PLCL1: variants seen among roughly 807,000 people sequenced by gnomAD.
The protein encoded by PLCL1 is phospholipase C like 1 (inactive).
A neutral mutation model predicts 84.4 loss-of-function variants in PLCL1; 41 were observed. That is an observed-to-expected ratio of 0.49 (90% CI 0.38 to 0.63). PLCL1 has a LOEUF of 0.63. PLCL1 is among the 30% of genes least tolerant of loss of function. The pLI is 0.00. For synonymous variants in PLCL1, 490 were observed against 488.3 expected (o/e 1.00, Z -0.05); for missense variants, 1,206 against 1,367.8 (o/e 0.88, Z 1.87).
At chr2:197,885,549 C>T (rs1687906007) in intron 1 of PLCL1, among the ~76,000 whole-genome samples, 1 of 152,168 alleles carries the variant, frequency 6.6e-6, no homozygotes, top group South Asian at 2.1e-4. Flanking sequence ...CATCCGGAAA[C>T]CCTCACAAAC....
In PLCL1 at chr2:198,054,972, A is replaced by G. The variant is rs190994768; in HGVS notation, c.241-28786A>G. Among the ~76,000 whole-genome samples, 677 of 152,290 alleles carry G rather than the reference A, an allele frequency of 4.4e-3. 5 individuals carry two copies. The highest frequency in any genetic ancestry group is 0.016 in the African/African-American group (648 of 41,570). ...ATGACCTCAGATGAAAAACAAATAT[A>G]AAAACATTTTGGCAAATCAGAAGGT... On this transcript the variant is annotated intron_variant, in intron 1 of 5. Transcript: ENST00000428675.
At chr2:198,101,257 C>A (rs1693325971) in intron 3 of PLCL1, 28 bp from the exon 4 acceptor site, 9 of 1,407,344 alleles carry the variant, frequency 6.4e-6, no homozygotes, top group Non-Finnish European at 8.0e-6. Context: ...TTCTGACAAC[C>A]ACCTTTTTGA....
At chr2:198,091,406 G>C (rs1233571174) in intron 3 of PLCL1, among the ~76,000 whole-genome samples, 1 of 152,038 alleles carries the variant, frequency 6.6e-6, no homozygotes, top group African/African-American at 2.4e-5. Flanking sequence ...ATAGATCAAG[G>C]GGCTGGATTA....
At chr2:198,019,970 G>T (rs546913430) in intron 1 of PLCL1, among the ~76,000 whole-genome samples, 18 of 152,312 alleles carry the variant, frequency 1.2e-4, no homozygotes, top group Non-Finnish European at 2.4e-4. Context: ...AGGGAAAAAT[G>T]TTAAGGGCAG....
At chr2:198,038,061 G>A (rs1691585093) in intron 1 of PLCL1, among the ~76,000 whole-genome samples, 1 of 152,054 alleles carries the variant, frequency 6.6e-6, no homozygotes, top group African/African-American at 2.4e-5. Flanking sequence ...AACATGTGAG[G>A]TATATGTATG....
chr2:198,058,413 C>T (rs181485698), intron 1 of PLCL1, among the ~76,000 whole-genome samples: 98 of 151,678 alleles, frequency 6.5e-4, no homozygotes, highest in Admixed American at 2.3e-3. Flanking sequence ...GTATGAGTTT[C>T]GATACATCAA....
chr2:198,141,620 G>C (rs952910247), intron 5 of PLCL1, among the ~76,000 whole-genome samples: 5 of 152,136 alleles, frequency 3.3e-5, no homozygotes, highest in African/African-American at 9.7e-5. Flanking sequence ...AGTCCCAACG[G>C]ATGGTTTTTG....
chr2:198,049,484 T>C (rs572872374), intron 1 of PLCL1, among the ~76,000 whole-genome samples: 10 of 152,210 alleles, frequency 6.6e-5, no homozygotes, highest in African/African-American at 2.4e-4. Context: ...CTCTTACATA[T>C]CCCAATGGAC....
chr2:197,981,587 C>T (rs893402505), intron 1 of PLCL1, among the ~76,000 whole-genome samples: 1 of 152,146 alleles, frequency 6.6e-6, no homozygotes, highest in African/African-American at 2.4e-5. Context: ...AGTAGTTGGA[C>T]TTTTGATTTT....
chr2:197,899,317 A>T (rs527629665), intron 1 of PLCL1, among the ~76,000 whole-genome samples: 1 of 152,164 alleles, frequency 6.6e-6, no homozygotes. Flanking sequence ...GAAATGAATT[A>T]CTATCACACA....
In PLCL1 at chr2:197,805,335, T is replaced by C; in HGVS notation, c.236T>C (p.Ile79Thr). ...GCGACCCCCCGGCGCAGCAGCATCA[T>C]CAAGGTAAGCAAAGCCGCGCCGCAC... ...ARATPRRSSI[I>T]KDPSNQKCGG... The change falls in exon 1 of 6, where the codon ATC (isoleucine) becomes ACC (threonine). Residue 79 changes from isoleucine (I) to threonine (T), a missense_variant. Physicochemically the swap from Ile to Thr is moderately conservative, Grantham distance 89. Coordinates refer to ENST00000428675, the MANE Select transcript of PLCL1 (RefSeq NM_006226.4). The surrounding 1 kb of genome is among the most constrained non-coding windows in gnomAD (Gnocchi z 4.0). The C allele has an allele frequency of 7.5e-7, 1 of 1,329,950 alleles. No individual in the cohort carries two copies. The highest frequency in any genetic ancestry group is 9.6e-7 in the Non-Finnish European group (1 of 1,046,156). The allele number at this position is 1,329,950 out of a possible 1,614,324, so 82.4% of individuals were successfully genotyped here.
intron 1 of PLCL1, among the ~76,000 whole-genome samples, chr2:197,942,996 T>C (rs1689190882): frequency 6.6e-6 from 1 of 151,988 alleles, no homozygotes; most frequent in Non-Finnish European, 1.5e-5. Flanking sequence ...TGCTTGAGCC[T>C]GGGAGTTTGA....
chr2:197,830,365 C>A (rs886223494), intron 1 of PLCL1, among the ~76,000 whole-genome samples: 1 of 151,470 alleles, frequency 6.6e-6, no homozygotes, highest in Non-Finnish European at 1.5e-5. Context: ...ACGAGAACTT[C>A]GTGAAACATA....
At chr2:198,042,887 G>A (rs191323962) in intron 1 of PLCL1, among the ~76,000 whole-genome samples, 180 of 152,292 alleles carry the variant, frequency 1.2e-3, no homozygotes, top group Non-Finnish European at 2.1e-3. Flanking sequence ...ATAATACGGG[G>A]TTGGTACAGG....
chr2:197,827,879 T>G (rs764001789), intron 1 of PLCL1, among the ~76,000 whole-genome samples: 1 of 152,166 alleles, frequency 6.6e-6, no homozygotes, highest in Non-Finnish European at 1.5e-5. Context: ...GGAATGTAAC[T>G]GTTTTCTGTT....
chr2:198,073,031 G>T (rs1185150327), intron 1 of PLCL1, among the ~76,000 whole-genome samples: 1 of 151,990 alleles, frequency 6.6e-6, no homozygotes, highest in Non-Finnish European at 1.5e-5. Flanking sequence ...AAAAATTATA[G>T]ACATAGAAAT....
intron 1 of PLCL1, among the ~76,000 whole-genome samples, chr2:197,922,600 C>T (rs1367969163): frequency 5.0e-5 from 7 of 139,074 alleles, no homozygotes; most frequent in African/African-American, 7.8e-5. Flanking sequence ...CGGGCAGAGG[C>T]GCCCCTCACC....
chr2:197,823,044 T>TA (rs1690850052), intron 1 of PLCL1, among the ~76,000 whole-genome samples: 1 of 152,074 alleles, frequency 6.6e-6, no homozygotes, highest in Non-Finnish European at 1.5e-5. Context: ...AAATCATAGG[T>TA]AAAAAATCAG....
intron 1 of PLCL1, among the ~76,000 whole-genome samples, chr2:197,976,437 C>T (rs1199360220): frequency 6.6e-6 from 1 of 152,082 alleles, no homozygotes; most frequent in African/African-American, 2.4e-5. Flanking sequence ...CTTTCCTTTC[C>T]TTTCCCTTTC....
Sources: allele counts gnomAD v4.1 joint callset (sites outside exome capture counted in the v4.1 genomes callset), GRCh38; gene constraint gnomAD v4.1.1; non-coding constraint Gnocchi (gnomAD v3.1); transcripts MANE v1.5; gene names NCBI Gene and HGNC (gene_info 2026-07-23, HGNC 2026-07-21).